NAALADL2: variants seen among roughly 807,000 people sequenced by gnomAD.
The protein encoded by NAALADL2 is N-acetylated alpha-linked acidic dipeptidase like 2.
In NAALADL2, 76 loss-of-function variants were observed where a neutral mutation model predicts 87.2. The observed-to-expected ratio is 0.87, with a 90% CI of 0.72 to 1.05. NAALADL2 has a LOEUF of 1.05. Among genes scored for constraint, NAALADL2 ranks in the 50% least tolerant of loss-of-function variants. The probability of loss-of-function intolerance (pLI) is 0.00; values close to 1 mark genes in which losing one functional copy is unlikely to be tolerated. For missense variants in NAALADL2, 1,089 were observed against 945.8 expected (o/e 1.15, Z -1.99); for synonymous variants, 354 against 331.0 (o/e 1.07, Z -0.75).
At chr3:175,267,888 T>G (rs181834065) in intron 4 of NAALADL2, among the ~76,000 whole-genome samples, 1 of 152,280 alleles carries the variant, frequency 6.6e-6, no homozygotes, top group Non-Finnish European at 1.5e-5. Flanking sequence ...TTCTAAGACT[T>G]CATTTTGTCC....
At chr3:175,427,791 C>A (rs1196614056) in intron 5 of NAALADL2, among the ~76,000 whole-genome samples, 1 of 83,610 alleles carries the variant, frequency 1.2e-5, no homozygotes, top group African/African-American at 3.3e-5. Context: ...GGTAGGAATA[C>A]AATAAAGTAA....
chr3:175,312,035 A>C, intron 4 of NAALADL2, among the ~76,000 whole-genome samples: 1 of 152,274 alleles, frequency 6.6e-6, no homozygotes, highest in Middle Eastern at 3.5e-3. Flanking sequence ...TTTTTTTAAA[A>C]CTAACAAAGA....
chr3:174,707,972 T>G (rs1365257320), intron 2 of NAALADL2, among the ~76,000 whole-genome samples: 1 of 152,126 alleles, frequency 6.6e-6, no homozygotes, highest in Admixed American at 6.5e-5. Flanking sequence ...CATACTAATA[T>G]TTAGTGGGAT....
At chr3:174,870,229 G>T (rs990993377) in intron 1 of NAALADL2, among the ~76,000 whole-genome samples, 3 of 152,022 alleles carry the variant, frequency 2.0e-5, no homozygotes, top group Non-Finnish European at 2.9e-5. Flanking sequence ...GTTATCTTCA[G>T]ATTGTATGCC....
At chr3:174,682,492 C>T (rs1727640331) in intron 2 of NAALADL2, among the ~76,000 whole-genome samples, 2 of 152,136 alleles carry the variant, frequency 1.3e-5, no homozygotes, top group South Asian at 4.1e-4. Flanking sequence ...CAGTGCAGTC[C>T]CAGTTGTGGT....
At chr3:174,629,482 CTT>C (rs1234262953) in intron 2 of NAALADL2, among the ~76,000 whole-genome samples, 1 of 152,176 alleles carries the variant, frequency 6.6e-6, no homozygotes, top group Non-Finnish European at 1.5e-5. Flanking sequence ...CAGAATCACT[CTT>C]TTGATTTGCA....
At chr3:174,518,654 A>G (rs1399795) in intron 1 of NAALADL2, among the ~76,000 whole-genome samples, 151,601 of 152,294 alleles carry the variant, frequency 1, 75,456 homozygotes, top group Middle Eastern at 1. Context: ...ATCTCTTGCC[A>G]TTCCTCTTTA....
chr3:175,502,657 A>G (rs1473351664), intron 9 of NAALADL2, among the ~76,000 whole-genome samples: 1 of 151,474 alleles, frequency 6.6e-6, no homozygotes, highest in Non-Finnish European at 1.5e-5. Flanking sequence ...CTCGTTAATT[A>G]TGAGTCAATT....
intron 2 of NAALADL2, among the ~76,000 whole-genome samples, chr3:175,136,119 T>G (rs1472991617): frequency 6.6e-6 from 1 of 152,042 alleles, no homozygotes; most frequent in Non-Finnish European, 1.5e-5. Context: ...GGTGAGATAG[T>G]AAGGCAGAGT....
At chr3:174,669,854 C>A (rs558991885) in intron 2 of NAALADL2, among the ~76,000 whole-genome samples, 2 of 152,052 alleles carry the variant, frequency 1.3e-5, no homozygotes, top group Admixed American at 6.6e-5. Flanking sequence ...CAATATAATG[C>A]CTTCCAATCC....
chr3:175,762,052 CAAA>C (rs1748089949), intron 13 of NAALADL2, among the ~76,000 whole-genome samples: 2 of 152,044 alleles, frequency 1.3e-5, no homozygotes, highest in Admixed American at 1.3e-4. Context: ...TGTCATACCT[CAAA>C]AGTTATTGTC....
intron 2 of NAALADL2, among the ~76,000 whole-genome samples, chr3:175,126,635 A>C (rs991224527): frequency 6.6e-6 from 1 of 152,164 alleles, no homozygotes; most frequent in Non-Finnish European, 1.5e-5. Flanking sequence ...CCAAAACAAA[A>C]CAAAACGAAA....
rs146600137 is a variant in NAALADL2 at position 174,635,435 on chromosome 3, T to C, written c.-115+84798T>C. 6.0e-3 allele frequency among the ~76,000 whole-genome samples: 908 copies of C among 152,298 alleles called. 11 individuals are homozygous for C. Among genetic ancestry groups the C allele is most frequent in the Non-Finnish European group, 7.4e-3 (503 of 68,026 alleles). On this transcript the variant is annotated intron_variant, in intron 2 of 3. Transcript: ENST00000434257. ...GGTTATTAGCCATTAAATAGTGTTA[T>C]TTAAAATTAAAATTTATTTGAAACA...
At position 175,301,034 on chromosome 3, in the gene NAALADL2, C is replaced by T. The variant is rs181605953; in HGVS notation, c.940-23141C>T. Among the ~76,000 whole-genome samples, 852 of 152,176 alleles carry T rather than the reference C, an allele frequency of 5.6e-3. 3 individuals are homozygous for T. Among genetic ancestry groups the T allele is most frequent in the Non-Finnish European group, 7.4e-3 (504 of 68,008 alleles). On this transcript the variant is annotated intron_variant, in intron 4 of 13. Transcript: ENST00000454872. ...ACTCCCAAAGTGCTGGGATTACAGG[C>T]GTGAGCCACCACACCAGGTCTGATT... is the stretch of plus-strand genomic sequence containing the variant.
intron 2 of NAALADL2, among the ~76,000 whole-genome samples, chr3:175,202,737 G>C (rs1056179645): frequency 6.6e-6 from 1 of 152,036 alleles, no homozygotes; most frequent in Non-Finnish European, 1.5e-5. Flanking sequence ...AGGACCATCA[G>C]GTCGGGCTGG....
At chr3:175,210,685 C>G (rs1741643787) in intron 2 of NAALADL2, among the ~76,000 whole-genome samples, 1 of 151,336 alleles carries the variant, frequency 6.6e-6, no homozygotes, top group African/African-American at 2.4e-5. Flanking sequence ...AAAAACTTCC[C>G]TCAAAATAAT....
At chr3:175,381,572 A>G (rs1289127338) in intron 5 of NAALADL2, among the ~76,000 whole-genome samples, 1 of 152,124 alleles carries the variant, frequency 6.6e-6, no homozygotes, top group Non-Finnish European at 1.5e-5. Context: ...TGCATATTTT[A>G]ATTTCTTAGC....
rs1399123908 is a variant in NAALADL2, at chr3:175,013,122, ACATATT to A, written c.44-83667_44-83662del. 2.9e-4 allele frequency among the ~76,000 whole-genome samples: 21 copies of A among 72,096 alleles called. 3 individuals carry two copies. Among genetic ancestry groups the A allele is most frequent in the East Asian group, 1.3e-3 (4 of 3,148 alleles). 47.3% of individuals were successfully genotyped at this position (72,096 alleles called of 152,430 possible). A position where few individuals can be genotyped will look rare whatever the true frequency, so the allele number is the denominator to read the frequency against. On this transcript the variant is annotated intron_variant, in intron 1 of 13. Transcript: ENST00000454872. The stretch of plus-strand genomic sequence containing the variant: ...AATATACATATTTATATATAAATAT[ACATATT>A]TATATATAAATATGTAATACATATT...
At chr3:174,697,874 G>A (rs891178441) in intron 2 of NAALADL2, among the ~76,000 whole-genome samples, 4 of 151,960 alleles carry the variant, frequency 2.6e-5, no homozygotes, top group Admixed American at 2.0e-4. Context: ...GGTGGATCAC[G>A]AAGTCAGGAG....
Sources: allele counts gnomAD v4.1 joint callset (sites outside exome capture counted in the v4.1 genomes callset), GRCh38; gene constraint gnomAD v4.1.1; transcripts MANE v1.5; gene names NCBI Gene and HGNC (gene_info 2026-07-23, HGNC 2026-07-21).